GUCY2F: variants seen among roughly 807,000 people sequenced by gnomAD.
The protein encoded by GUCY2F is guanylate cyclase 2F, retinal.
In GUCY2F, 61 loss-of-function variants were observed where a neutral mutation model predicts 73.1. The observed-to-expected ratio is 0.83, with a 90% confidence interval of 0.68 to 1.03. The LOEUF (loss-of-function observed/expected upper bound fraction) is 1.03, where lower values mean the gene tolerates loss of function less well. Ranked by LOEUF, GUCY2F falls within the 50% of genes least tolerant of loss-of-function variation. The pLI, the probability that GUCY2F is intolerant of heterozygous loss-of-function variation, is 0.00. For missense variants in GUCY2F, 912 were observed against 854.3 expected (o/e 1.07, Z -0.84); for synonymous variants, 331 against 307.8 (o/e 1.08, Z -0.79).
intron 3 of GUCY2F, among the ~76,000 whole-genome samples, chrX:109,461,380 T>C (rs889218723): frequency 6.2e-5 from 7 of 112,641 alleles, no homozygotes; most frequent in Non-Finnish European, 9.4e-5. Context: ...ATCGCTTTGA[T>C]AGCTTTTTGT....
At chrX:109,464,678 T>C (rs1932428090) in intron 3 of GUCY2F, among the ~76,000 whole-genome samples, 2 of 112,522 alleles carry the variant, frequency 1.8e-5, no homozygotes, top group Non-Finnish European at 3.8e-5. Flanking sequence ...GTTTGTTTAA[T>C]CCTTGGGTTC....
intron 15 of GUCY2F, among the ~76,000 whole-genome samples, chrX:109,387,833 T>G (rs1462370865): frequency 9.0e-6 from 1 of 110,510 alleles, no homozygotes; most frequent in Non-Finnish European, 1.9e-5. Flanking sequence ...ATTCACAGAG[T>G]GAGGAGCATG....
intron 3 of GUCY2F, among the ~76,000 whole-genome samples, chrX:109,458,919 A>G (rs1932311718): frequency 9.0e-6 from 1 of 111,404 alleles, no homozygotes; most frequent in Non-Finnish European, 1.9e-5. Context: ...GTCTGCCTTC[A>G]AAACCCATGA....
intron 8 of GUCY2F, among the ~76,000 whole-genome samples, chrX:109,429,730 G>T (rs1476103023): frequency 2.7e-5 from 3 of 112,130 alleles, no homozygotes; most frequent in Non-Finnish European, 3.8e-5. Context: ...TTTTAAAATG[G>T]CTTAGGAAGG....
At chrX:109,465,027 G>GGTTGCC (rs1932435028) in intron 3 of GUCY2F, 115 bp downstream of exon 3, 2 of 508,596 alleles carry the variant, frequency 3.9e-6, no homozygotes, top group African/African-American at 4.7e-5. Context: ...ATTTGTCTGT[G>GGTTGCC]GTTGCCTGCC....
At chrX:109,388,299 C>G (rs1306791464) in intron 15 of GUCY2F, among the ~76,000 whole-genome samples, 190 bp downstream of exon 15, 1 of 111,852 alleles carries the variant, frequency 8.9e-6, no homozygotes, top group Non-Finnish European at 1.9e-5. Context: ...GAACAAGGAG[C>G]TGCTGCCCAC....
chrX:109,475,727 G>A lies in GUCY2F; in HGVS notation c.210C>T (p.Ala70=), dbSNP rs756985114. ...CTAATCGCGCAGCAACCTCAGGCAG[G>A]GCCTTTGAAAACAGCGAATCACAAG... ...PWACDSLFSK[A]LPEVAARLAI... Residue 70 remains alanine, a synonymous_variant, in exon 2 of 20, where the codon GCC becomes GCT. Coordinates refer to ENST00000218006, the MANE Select transcript of GUCY2F (RefSeq NM_001522.3). 1.7e-6 allele frequency: 2 copies of A among 1,209,159 alleles called. No individual in the cohort carries two copies. Among genetic ancestry groups the A allele is most frequent in the Non-Finnish European group, 2.2e-6 (2 of 894,743 alleles).
intron 14 of GUCY2F, 140 bp downstream of exon 14, chrX:109,391,771 A>G (rs1050984991): frequency 2.3e-5 from 8 of 352,493 alleles, no homozygotes; most frequent in African/African-American, 1.3e-4. Context: ...TGATATACCA[A>G]TGGAAGGGGT....
At chrX:109,417,332 A>G (rs1931268102) in intron 8 of GUCY2F, among the ~76,000 whole-genome samples, 1 of 111,451 alleles carries the variant, frequency 9.0e-6, no homozygotes, top group African/African-American at 3.2e-5. Flanking sequence ...TGATAACAAT[A>G]GGGCAAAGAA....
intron 8 of GUCY2F, among the ~76,000 whole-genome samples, chrX:109,414,648 C>G (rs1267344552): frequency 8.9e-6 from 1 of 112,054 alleles, no homozygotes; most frequent in East Asian, 2.8e-4. Context: ...TCTGACAAGT[C>G]CTATGGAGGA....
intron 13 of GUCY2F, 150 bp from the exon 14 acceptor site, chrX:109,392,253 T>C: frequency 4.3e-6 from 2 of 466,504 alleles, no homozygotes; most frequent in Non-Finnish European, 7.4e-6. Context: ...CATTAATTCG[T>C]TCATTTATTC....
At chrX:109,455,992 C>T (rs1191716952) in intron 3 of GUCY2F, among the ~76,000 whole-genome samples, 1 of 112,077 alleles carries the variant, frequency 8.9e-6, no homozygotes, top group Admixed American at 9.5e-5. Context: ...AAAGCCTTGC[C>T]CCACATAACA....
At chrX:109,378,709 T>C (rs1455812038) in intron 17 of GUCY2F, among the ~76,000 whole-genome samples, 3 of 111,414 alleles carry the variant, frequency 2.7e-5, no homozygotes, top group African/African-American at 6.5e-5. Flanking sequence ...CAAATACTAA[T>C]ACTTAGGAAC....
rs1556028018 is a variant in GUCY2F, at chrX:109,383,029, A to AT, written c.3056-818dup. ...GTTTTCACACATGCTTGAGAAAATC[A>AT]TTTTTTTTAAAAAAAAAGCTGATTA... On this transcript the variant is annotated intron_variant, in intron 16 of 19. Coordinates refer to ENST00000218006, the MANE Select transcript of GUCY2F (RefSeq NM_001522.3). Among the ~76,000 whole-genome samples the AT allele has an allele frequency of 3.3e-3, 368 of 110,923 alleles. 6 individuals are homozygous for AT. In the East Asian group the frequency reaches 0.054, roughly 16 times the overall value.
At chrX:109,399,384 A>G (rs1440419474) in intron 10 of GUCY2F, among the ~76,000 whole-genome samples, 3 of 112,169 alleles carry the variant, frequency 2.7e-5, no homozygotes, top group African/African-American at 9.7e-5. Context: ...GGGCCACTAC[A>G]TAGTAAAGGG....
At chrX:109,423,113 G>T (rs1931405264) in intron 8 of GUCY2F, among the ~76,000 whole-genome samples, 1 of 112,277 alleles carries the variant, frequency 8.9e-6, no homozygotes, top group South Asian at 3.7e-4. Context: ...GGACACAAGT[G>T]AAATTTTGGA....
chrX:109,473,552 T>C (rs1932617118), intron 2 of GUCY2F, among the ~76,000 whole-genome samples: 1 of 111,392 alleles, frequency 9.0e-6, no homozygotes, highest in Admixed American at 9.6e-5. Flanking sequence ...TGAAAAGATG[T>C]CCAGGTAATT....
chrX:109,426,083 CTGCTACAA>C (rs1276272630), intron 8 of GUCY2F, among the ~76,000 whole-genome samples: 1 of 112,124 alleles, frequency 8.9e-6, no homozygotes, highest in African/African-American at 3.2e-5. Flanking sequence ...GCATAACTTT[CTGCTACAA>C]TATTTGGCTG....
chrX:109,419,148 A>G lies in GUCY2F; in HGVS notation c.1792-9980T>C, dbSNP rs929636702. The stretch of plus-strand genomic sequence containing the variant: ...CCAAATGATTTTATTGATGAAATTT[A>G]TTAAAAATTTTAATAAATAATACCA... On this transcript the variant is annotated intron_variant, in intron 8 of 19. Transcript: ENST00000218006. 2.3e-4 allele frequency among the ~76,000 whole-genome samples: 26 copies of G among 110,893 alleles called. 1 individual carries two copies. Among genetic ancestry groups the G allele is most frequent in the African/African-American group, 8.5e-4 (26 of 30,764 alleles).
Sources: gnomAD v4.1 joint callset for allele counts (sites outside exome capture counted in the v4.1 genomes callset) on GRCh38, gnomAD v4.1.1 for gene constraint, MANE v1.5 for transcripts, NCBI Gene and HGNC (gene_info 2026-07-23, HGNC 2026-07-21) for gene names.